ADAMTS9: variants seen among roughly 807,000 people sequenced by gnomAD.
ADAMTS9 encodes the protein ADAM metallopeptidase with thrombospondin type 1 motif 9.
ADAMTS9 carries 107 observed loss-of-function variants against 257.1 expected under a neutral mutation model. The observed-to-expected ratio is 0.42, with a 90% CI of 0.36 to 0.49. The LOEUF is 0.49. Ranked by LOEUF, ADAMTS9 falls within the 20% of genes least tolerant of loss-of-function variation. ADAMTS9 has a pLI of 0.03. For missense variants in ADAMTS9, 2,353 were observed against 2,469.1 expected (o/e 0.95, Z 1.00); for synonymous variants, 982 against 880.9 (o/e 1.11, Z -2.03).
chr3:64,533,319 C>A, intron 37 of ADAMTS9, 49 bp from the exon 38 acceptor site: 1 of 1,451,926 alleles, frequency 6.9e-7, no homozygotes, highest in Non-Finnish European at 9.7e-7. Context: ...GTGATGTCCT[C>A]AAAAAAGCAA....
chr3:64,622,186 C>G lies in ADAMTS9; in HGVS notation c.2686+12G>C, dbSNP rs370132499. The G allele has an allele frequency of 3.3e-5, 53 of 1,593,884 alleles. No individual in the cohort carries two copies. The Middle Eastern group carries it at 1.3e-3, about 40-fold the overall frequency. ...TTCTCAAATCCCCAGAACTCAAATT[C>G]AAAGCAGATACCTTGGCAGGGTTTA... On this transcript the variant is annotated intron_variant, in intron 18 of 39. Transcript: ENST00000498707.
intron 32 of ADAMTS9, among the ~76,000 whole-genome samples, chr3:64,542,710 A>G (rs2083142057): frequency 6.6e-6 from 1 of 152,224 alleles, no homozygotes; most frequent in African/African-American, 2.4e-5. Flanking sequence ...AAAGAACTAG[A>G]GAAGCAAGAA....
intron 30 of ADAMTS9, among the ~76,000 whole-genome samples, chr3:64,556,423 C>T (rs1330315099): frequency 2.0e-5 from 3 of 152,182 alleles, no homozygotes; most frequent in Non-Finnish European, 4.4e-5. Context: ...TGAGCTTAAG[C>T]AATCCTCTCA....
chr3:64,584,975 C>A (rs1457390746), intron 28 of ADAMTS9, among the ~76,000 whole-genome samples: 2 of 152,092 alleles, frequency 1.3e-5, no homozygotes, highest in Non-Finnish European at 2.9e-5. Context: ...TCCCTTCTAC[C>A]AGTTAGCTCT....
intron 9 of ADAMTS9, 59 bp downstream of exon 9, chr3:64,650,954 ATTAG>A (rs1165576603): frequency 6.7e-7 from 1 of 1,485,994 alleles, no homozygotes; most frequent in African/African-American, 1.5e-5. Context: ...CTTTCCCACA[ATTAG>A]TTCACTACAT....
At chr3:64,676,897 C>T (rs976313140) in intron 3 of ADAMTS9, among the ~76,000 whole-genome samples, 5 of 152,184 alleles carry the variant, frequency 3.3e-5, no homozygotes, top group Admixed American at 3.3e-4. Context: ...TAGAGAAAAA[C>T]ACTTGCCTTC....
At chr3:64,657,316 A>C (rs886435416) in intron 4 of ADAMTS9, among the ~76,000 whole-genome samples, 10 of 152,094 alleles carry the variant, frequency 6.6e-5, no homozygotes, top group Admixed American at 3.3e-4. Context: ...CATATTGCTA[A>C]AATTAATTTT....
At chr3:64,547,707 T>C (rs1413470557) in intron 31 of ADAMTS9, among the ~76,000 whole-genome samples, 32 of 152,090 alleles carry the variant, frequency 2.1e-4, no homozygotes, top group Admixed American at 2.1e-3. Context: ...GCATGTTACC[T>C]TTCTGCTTTT....
At chr3:64,598,019 A>T (rs184125101) in intron 26 of ADAMTS9, among the ~76,000 whole-genome samples, 1 of 152,328 alleles carries the variant, frequency 6.6e-6, no homozygotes, top group East Asian at 1.9e-4. Context: ...GATAGGCTCT[A>T]TCAAACATTG....
chr3:64,548,138 T>A (rs576306556), intron 31 of ADAMTS9, among the ~76,000 whole-genome samples: 2 of 152,290 alleles, frequency 1.3e-5, no homozygotes, highest in Non-Finnish European at 2.9e-5. Context: ...AGCCACAGTG[T>A]CTGCTCTGCC....
At position 64,568,349 on chromosome 3, in the gene ADAMTS9, G is replaced by C. The variant is rs769894499; in HGVS notation, c.4524+19C>G. On this transcript the variant is annotated intron_variant, in intron 29 of 39. Coordinates refer to ENST00000498707, the MANE Select transcript of ADAMTS9 (RefSeq NM_182920.2). ...GCCAAACGTAAGGAAGCAGTCAGTA[G>C]AGGAGAAGCATTGCTCACCTGACTC... The C allele has an allele frequency of 1.2e-6, 2 of 1,600,388 alleles. No homozygotes were observed. The highest frequency in any genetic ancestry group is 3.6e-5 in the Admixed American group (2 of 55,934).
At chr3:64,600,170 C>T (rs771209369) in intron 26 of ADAMTS9, among the ~76,000 whole-genome samples, 1 of 150,808 alleles carries the variant, frequency 6.6e-6, no homozygotes, top group Admixed American at 6.7e-5. Flanking sequence ...AACTTGATTC[C>T]CATTCCCCAG....
rs1473007247 is a variant in ADAMTS9 at position 64,631,507 on chromosome 3, A to G, written c.2337T>C (p.Ile779=). Residue 779 remains isoleucine, a synonymous_variant, in exon 16 of 40, where the codon ATT becomes ATC. Transcript: ENST00000498707. ...CTGAGAAACTGTGCTGCCGCACATCAATATTGGTAGCACCAGCTGGAATTC... is the reference window on the plus strand; with the variant it reads ...CTGAGAAACTGTGCTGCCGCACATCGATATTGGTAGCACCAGCTGGAATTC... The part of the protein sequence containing the change: ...VVRIPAGATN[I]DVRQHSFSGE... 3 of 1,614,004 alleles carry G rather than the reference A, an allele frequency of 1.9e-6. No homozygotes were observed. The highest frequency in any genetic ancestry group is 1.3e-5 in the African/African-American group (1 of 74,934).
chr3:64,539,192 C>G lies in ADAMTS9; in HGVS notation c.5613+11G>C. On this transcript the variant is annotated intron_variant, in intron 37 of 39. Coordinates refer to ENST00000498707, the MANE Select transcript of ADAMTS9 (RefSeq NM_182920.2). Reference sequence around the variant, plus strand: ...GAATCCCTGGCAAGGGGGAAGGCACCAAGGACATACCTGTGGGCACTTGGC... The same window carrying G: ...GAATCCCTGGCAAGGGGGAAGGCACGAAGGACATACCTGTGGGCACTTGGC... 1 of 1,609,968 alleles carries G rather than the reference C, an allele frequency of 6.2e-7. No homozygotes were observed. Among genetic ancestry groups the G allele is most frequent in the Non-Finnish European group, 8.5e-7 (1 of 1,176,224 alleles).
At chr3:64,683,892 T>C (rs558824401) in intron 2 of ADAMTS9, among the ~76,000 whole-genome samples, 2 of 152,130 alleles carry the variant, frequency 1.3e-5, no homozygotes, top group South Asian at 4.2e-4. Flanking sequence ...AGAGAGACTC[T>C]CAGAAGTGTC....
intron 6 of ADAMTS9, 133 bp downstream of exon 6, chr3:64,655,443 T>A (rs1448667310): frequency 1.4e-6 from 1 of 709,176 alleles, no homozygotes. Flanking sequence ...CAGAAGGAAT[T>A]GTCCAGCCCA....
chr3:64,621,016 C>G, intron 19 of ADAMTS9, 98 bp downstream of exon 19: 1 of 1,433,938 alleles, frequency 7.0e-7, no homozygotes, highest in Non-Finnish European at 9.4e-7. Context: ...GAAAGGGGAA[C>G]TAAAGACCAG....
intron 28 of ADAMTS9, among the ~76,000 whole-genome samples, chr3:64,574,924 A>G (rs1028766564): frequency 6.6e-6 from 1 of 152,200 alleles, no homozygotes; most frequent in African/African-American, 2.4e-5. Context: ...GAGAGTAGCT[A>G]CGCAATGTTA....
intron 3 of ADAMTS9, among the ~76,000 whole-genome samples, chr3:64,661,444 C>T (rs527357121): frequency 1.3e-5 from 2 of 152,292 alleles, no homozygotes; most frequent in South Asian, 2.1e-4. Flanking sequence ...ATCTTACTTA[C>T]TCCTTTCAAA....
Sources: allele counts gnomAD v4.1 joint callset (sites outside exome capture counted in the v4.1 genomes callset), GRCh38; gene constraint gnomAD v4.1.1; transcripts MANE v1.5; gene names NCBI Gene and HGNC (gene_info 2026-07-23, HGNC 2026-07-21).